The following TKT variants were observed in gnomAD, a reference collection of about 807,000 sequenced individuals.
The protein encoded by TKT is epididymis luminal protein 107.
TKT carries 47 observed loss-of-function variants against 63.9 expected under a neutral mutation model. The ratio of observed to expected loss-of-function variants is 0.74; its 90% CI spans 0.58 to 0.94. The LOEUF (loss-of-function observed/expected upper bound fraction) is 0.94. Among genes scored for constraint, TKT ranks in the 40% least tolerant of loss-of-function variants. TKT has a pLI of 0.00. For missense variants in TKT, 721 were observed against 846.2 expected (o/e 0.85, Z 1.84); for synonymous variants, 338 against 334.1 (o/e 1.01, Z -0.13).
chr3:53,252,259 C>A (rs1553681737), intron 1 of TKT, among the ~76,000 whole-genome samples: 1 of 152,226 alleles, frequency 6.6e-6, no homozygotes, highest in Non-Finnish European at 1.5e-5. Flanking sequence ...CGGACTGAGC[C>A]TTCACTCTAT....
intron 8 of TKT, among the ~76,000 whole-genome samples, chr3:53,229,990 T>G: frequency 6.6e-6 from 1 of 152,222 alleles, no homozygotes; most frequent in East Asian, 1.9e-4. Context: ...CCTCAGTTCC[T>G]GACAAGGGTC....
rs782043655 is a variant in TKT, at chr3:53,234,976, T to C, written c.629+7A>G. Reference sequence around the variant, plus strand: ...TGACCACACTCAGGCCACAGCCTCGTACATACCCGAAGGCCTCGCACCGCT... The same window carrying C: ...TGACCACACTCAGGCCACAGCCTCGCACATACCCGAAGGCCTCGCACCGCT... On this transcript the variant is annotated splice_region_variant and intron_variant, in intron 5 of 13. Transcript: ENST00000462138. 6.8e-6 allele frequency: 11 copies of C among 1,608,786 alleles called. No individual in the cohort carries two copies. The Admixed American group carries it at 1.2e-4, about 17-fold the overall frequency.
chr3:53,238,351 G>A (rs1705127188), intron 4 of TKT, among the ~76,000 whole-genome samples: 1 of 152,156 alleles, frequency 6.6e-6, no homozygotes, highest in Admixed American at 6.5e-5. Flanking sequence ...TTACTTCATG[G>A]TGAATCACTT....
chr3:53,243,586 T>A (rs1185869681), intron 1 of TKT: 1 of 456,536 alleles, frequency 2.2e-6, no homozygotes, highest in African/African-American at 2.0e-5. Context: ...ACTTAACTAT[T>A]TCTATGAACT....
intron 1 of TKT, among the ~76,000 whole-genome samples, chr3:53,249,134 T>TTTTTTTTGTA (rs1491491425): frequency 2.7e-5 from 4 of 149,370 alleles, no homozygotes; most frequent in Non-Finnish European, 5.9e-5. Flanking sequence ...GCCCGACTCA[T>TTTTTTTTGTA]TTTTTTTGTA....
At chr3:53,249,776 G>T (rs1391055451) in intron 1 of TKT, among the ~76,000 whole-genome samples, 1 of 152,120 alleles carries the variant, frequency 6.6e-6, no homozygotes, top group African/African-American at 2.4e-5. Flanking sequence ...CCCCTACCTT[G>T]CCTCTCCATT....
chr3:53,226,803 C>G lies in TKT; in HGVS notation c.1649G>C (p.Arg550Pro). 1 of 1,614,132 alleles carries G rather than the reference C, an allele frequency of 6.2e-7. No individual in the cohort carries two copies. The highest frequency in any genetic ancestry group is 8.5e-7 in the Non-Finnish European group (1 of 1,180,006). Reference protein sequence around the residue: ...LDRKLILDSARATKGRILTVE... With the variant: ...LDRKLILDSAPATKGRILTVE... ...GGTGAGGATCCTGCCCTTGGTGGCA[C>G]GAGCGCTGTCGAGAATGAGTTTTCT... is the stretch of plus-strand genomic sequence containing the variant. Residue 550 changes from arginine to proline, a missense_variant, in exon 13 of 14, where the codon CGT becomes CCT. Arg to Pro is a moderately radical substitution (Grantham distance 103, BLOSUM62 -2). Coordinates refer to ENST00000462138, the MANE Select transcript of TKT (RefSeq NM_001064.4).
chr3:53,234,856 A>T, intron 5 of TKT, 127 bp downstream of exon 5: 1 of 958,348 alleles, frequency 1.0e-6, no homozygotes, highest in East Asian at 2.7e-5. Flanking sequence ...GTCAAATGCT[A>T]AAGAAAGGGA....
At chr3:53,252,266 C>G (rs1300852593) in intron 1 of TKT, among the ~76,000 whole-genome samples, 1 of 152,218 alleles carries the variant, frequency 6.6e-6, no homozygotes, top group Non-Finnish European at 1.5e-5. Context: ...AGCCTTCACT[C>G]TATGCCTCAT....
In TKT at chr3:53,231,606, G is replaced by A; in HGVS notation, c.749-56C>T. 4 of 1,544,492 alleles carry A rather than the reference G, an allele frequency of 2.6e-6. No individual in the cohort carries two copies. In the Admixed American group the frequency reaches 7.6e-5, roughly 29 times the overall value. On this transcript the variant is annotated intron_variant, in intron 6 of 13. Coordinates refer to ENST00000462138, the MANE Select transcript of TKT (RefSeq NM_001064.4). The stretch of plus-strand genomic sequence containing the variant: ...TGGGTAAGACAGAAGCTCCCAGAGG[G>A]CCAGGAGGCTGCTCCAGGAGACTGG...
chr3:53,231,237 A>G, intron 7 of TKT, 120 bp downstream of exon 7: 1 of 1,106,176 alleles, frequency 9.0e-7, no homozygotes, highest in Non-Finnish European at 1.3e-6. Context: ...CTCAGGGATC[A>G]CTCCTCGCCC....
intron 1 of TKT, among the ~76,000 whole-genome samples, chr3:53,255,202 G>C (rs1553682101): frequency 1.3e-5 from 2 of 152,190 alleles, no homozygotes; most frequent in African/African-American, 2.4e-5. Context: ...CTCCAAACTC[G>C]GACCCAACCC....
chr3:53,229,533 T>C (rs1553676514), intron 8 of TKT, 97 bp from the exon 9 acceptor site: 13 of 1,319,698 alleles, frequency 9.9e-6, no homozygotes, highest in African/African-American at 1.5e-5. Context: ...AATTTGTATA[T>C]AGATTGTCCA....
intron 4 of TKT, among the ~76,000 whole-genome samples, chr3:53,236,865 G>A (rs1283850468): frequency 5.3e-5 from 8 of 152,248 alleles, no homozygotes; most frequent in Non-Finnish European, 7.3e-5. Context: ...GGGGCCTACA[G>A]GAGCCTGGGC....
chr3:53,242,703 C>A (rs1198781795), intron 1 of TKT, among the ~76,000 whole-genome samples: 4 of 152,122 alleles, frequency 2.6e-5, no homozygotes, highest in Non-Finnish European at 5.9e-5. Flanking sequence ...TACGACTGAC[C>A]CCACATCCTG....
chr3:53,236,841 T>C (rs1468088016), intron 4 of TKT, among the ~76,000 whole-genome samples: 2 of 151,966 alleles, frequency 1.3e-5, no homozygotes, highest in Admixed American at 1.3e-4. Flanking sequence ...AAGGAAGGGG[T>C]TGTGAACAGG....
Position 53,231,492 on chromosome 3 carries a change from C to A in TKT, c.807G>T (p.Gln269His), listed in dbSNP as rs782033771. The change falls in exon 7 of 14, where the codon CAG (glutamine) becomes CAT (histidine). Residue 269 changes from glutamine to histidine, a missense_variant. Gln to His is a conservative substitution (Grantham distance 24). Transcript: ENST00000462138. ...TCTGGCTGTAGATCTCCTGGATGAT[C>A]TGCTCAGCCATGTTTTTGGGGAGGG... ...GKPLPKNMAE[Q>H]IIQEIYSQIQ... 1.9e-6 allele frequency: 3 copies of A among 1,614,192 alleles called. No individual in the cohort carries two copies. The highest frequency in any genetic ancestry group is 2.5e-6 in the Non-Finnish European group (3 of 1,180,034).
intron 3 of TKT, 76 bp from the exon 4 acceptor site, chr3:53,240,424 C>T: frequency 2.2e-6 from 3 of 1,389,100 alleles, no homozygotes; most frequent in Non-Finnish European, 3.0e-6. Flanking sequence ...AGCCACACTC[C>T]CACCCAGCCC....
rs541660498 is a variant in TKT at position 53,233,023 on chromosome 3, G to C, written c.748+133C>G. On this transcript the variant is annotated intron_variant, in intron 6 of 13. Coordinates refer to ENST00000462138, the MANE Select transcript of TKT (RefSeq NM_001064.4). ...GGGTCACTGAGTCACAGCATCTCCC[G>C]CTCCCCTTCCCTGGAGCCTGGTGAG... 1.3e-4 allele frequency: 101 copies of C among 754,494 alleles called. 1 individual carries two copies. In the East Asian group the frequency reaches 2.7e-3, roughly 20 times the overall value. 46.7% of individuals were successfully genotyped at this position (754,494 alleles called of 1,614,324 possible).
Sources: allele counts gnomAD v4.1 joint callset (sites outside exome capture counted in the v4.1 genomes callset), GRCh38; gene constraint gnomAD v4.1.1; transcripts MANE v1.5; gene names NCBI Gene and HGNC (gene_info 2026-07-23, HGNC 2026-07-21).